Variants in PRKCA observed in about 807,000 individuals in gnomAD.
The protein encoded by PRKCA is protein kinase C alpha.
PRKCA carries 27 observed loss-of-function variants against 87.0 expected under a neutral mutation model. The ratio of observed to expected loss-of-function variants is 0.31; its 90% CI spans 0.23 to 0.43. PRKCA has a LOEUF of 0.43. PRKCA is among the 20% of genes least tolerant of loss of function. PRKCA has a pLI of 1.00. For synonymous variants in PRKCA, 329 were observed against 311.1 expected (o/e 1.06, Z -0.61); for missense variants, 518 against 852.3 (o/e 0.61, Z 4.88).
At chr17:66,586,578 A>G (rs765318449) in intron 3 of PRKCA, among the ~76,000 whole-genome samples, 2 of 152,200 alleles carry the variant, frequency 1.3e-5, no homozygotes, top group Admixed American at 1.3e-4. Flanking sequence ...AAGAAAAGCT[A>G]TGCATGCCTT....
chr17:66,346,219 C>G (rs772553317), intron 2 of PRKCA, among the ~76,000 whole-genome samples: 8 of 151,612 alleles, frequency 5.3e-5, no homozygotes, highest in Non-Finnish European at 1.2e-4. Flanking sequence ...GCCTCAACCT[C>G]TCGAGTAGCT....
intron 2 of PRKCA, among the ~76,000 whole-genome samples, chr17:66,453,677 G>T (rs1914442177): frequency 6.6e-6 from 1 of 152,096 alleles, no homozygotes; most frequent in Non-Finnish European, 1.5e-5. Flanking sequence ...TCTGCTGTAG[G>T]TCGAATTGGT....
intron 2 of PRKCA, among the ~76,000 whole-genome samples, chr17:66,452,850 C>T (rs565231060): frequency 6.6e-6 from 1 of 152,130 alleles, no homozygotes; most frequent in African/African-American, 2.4e-5. Context: ...GATGACAGAG[C>T]GAGACTCCGT....
At chr17:66,718,916 C>T (rs1973543578) in intron 8 of PRKCA, among the ~76,000 whole-genome samples, 1 of 152,128 alleles carries the variant, frequency 6.6e-6, no homozygotes, top group Non-Finnish European at 1.5e-5. Flanking sequence ...GACACACAAC[C>T]CAAAAGAAAC....
At chr17:66,317,536 G>C (rs1170114100) in intron 2 of PRKCA, among the ~76,000 whole-genome samples, 1 of 152,204 alleles carries the variant, frequency 6.6e-6, no homozygotes, top group African/African-American at 2.4e-5. Context: ...GAGATTTAGT[G>C]AATGTCTTAT....
chr17:66,306,150 A>G (rs1351639954), intron 2 of PRKCA, 23 bp downstream of exon 2: 2 of 1,605,758 alleles, frequency 1.2e-6, no homozygotes, highest in Non-Finnish European at 1.7e-6. Context: ...TTTTGGTTTT[A>G]TTTTCAAGCA....
intron 2 of PRKCA, among the ~76,000 whole-genome samples, chr17:66,473,192 C>T (rs1385268864): frequency 6.6e-6 from 1 of 152,190 alleles, no homozygotes; most frequent in Non-Finnish European, 1.5e-5. Flanking sequence ...CTCCTTTGAC[C>T]TAGACTTTGG....
chr17:66,474,728 A>G (rs1915468162), intron 2 of PRKCA, among the ~76,000 whole-genome samples: 1 of 152,354 alleles, frequency 6.6e-6, no homozygotes, highest in African/African-American at 2.4e-5. Flanking sequence ...AATTATTAAC[A>G]ACAACTAAAG....
Position 66,345,339 on chromosome 17 carries a change from A to G in PRKCA, c.205+39212A>G, listed in dbSNP as rs144666900. Among the ~76,000 whole-genome samples the G allele has an allele frequency of 5.4e-4, 82 of 152,274 alleles. No individual in the cohort carries two copies. In the East Asian group the frequency reaches 0.013, roughly 25 times the overall value. On this transcript the variant is annotated intron_variant, in intron 2 of 16. Transcript: ENST00000413366. ...GTTAGGAAGTTGAATTTCTGAAGCAATCATTTATGTTCAGCCTGTGTAACT... is the reference window on the plus strand; with the variant it reads ...GTTAGGAAGTTGAATTTCTGAAGCAGTCATTTATGTTCAGCCTGTGTAACT...
At chr17:66,709,795 TTA>T (rs1470359518) in intron 8 of PRKCA, among the ~76,000 whole-genome samples, 2 of 152,140 alleles carry the variant, frequency 1.3e-5, no homozygotes, top group Non-Finnish European at 2.9e-5. Flanking sequence ...GCCCACCAGC[TTA>T]TGTTTCGTCA....
At chr17:66,688,833 CT>C (rs1972700658) in intron 7 of PRKCA, 117 bp from the exon 8 acceptor site, 1 of 681,206 alleles carries the variant, frequency 1.5e-6, no homozygotes, top group Admixed American at 3.0e-5. Flanking sequence ...AGTCAAATGT[CT>C]ACTGATCTGG....
intron 2 of PRKCA, among the ~76,000 whole-genome samples, chr17:66,404,726 G>A (rs1001670813): frequency 7.2e-6 from 1 of 139,044 alleles, no homozygotes; most frequent in African/African-American, 2.6e-5. Flanking sequence ...GCTGGCTGCT[G>A]GAAAGGATGG....
intron 2 of PRKCA, among the ~76,000 whole-genome samples, chr17:66,344,655 A>G (rs1019096315): frequency 5.9e-5 from 9 of 152,258 alleles, no homozygotes; most frequent in African/African-American, 2.2e-4. Flanking sequence ...AGTAAATGGT[A>G]GCTAGTAAGT....
intron 2 of PRKCA, among the ~76,000 whole-genome samples, chr17:66,392,659 A>G (rs1393934574): frequency 6.6e-6 from 1 of 152,200 alleles, no homozygotes; most frequent in Non-Finnish European, 1.5e-5. Flanking sequence ...AGTCAGCTGC[A>G]TCCGCCTTGC....
chr17:66,726,663 A>G lies in PRKCA; in HGVS notation c.919-6025A>G, dbSNP rs77148109. Among the ~76,000 whole-genome samples the G allele has an allele frequency of 1.0e-2, 1,514 of 151,460 alleles. 26 individuals carry two copies. The highest frequency in any genetic ancestry group is 0.035 in the African/African-American group (1,430 of 41,304). ...AGCAGAGCGAGTGTCCTCCTCAGCC[A>G]TCAAAGCACTCAGCCTTCTCTCTGT... On this transcript the variant is annotated intron_variant, in intron 8 of 16. Coordinates refer to ENST00000413366, the MANE Select transcript of PRKCA (RefSeq NM_002737.3).
chr17:66,634,352 A>G (rs888869781), intron 3 of PRKCA, among the ~76,000 whole-genome samples: 1 of 152,216 alleles, frequency 6.6e-6, no homozygotes, highest in Non-Finnish European at 1.5e-5. Context: ...CTCTTTCGTT[A>G]TAATATAATG....
chr17:66,799,679 GTAA>G (rs1975852896), intron 16 of PRKCA, among the ~76,000 whole-genome samples: 1 of 143,964 alleles, frequency 6.9e-6, no homozygotes, highest in Non-Finnish European at 1.5e-5. Flanking sequence ...GGTGGTGGTG[GTAA>G]TGGTGGTGGT....
chr17:66,369,484 A>T (rs987207152), intron 2 of PRKCA, among the ~76,000 whole-genome samples: 2 of 152,152 alleles, frequency 1.3e-5, no homozygotes, highest in Non-Finnish European at 2.9e-5. Context: ...CCTGAGGCTG[A>T]CTTCAGCTAG....
At chr17:66,527,238 A>G (rs6504440) in intron 3 of PRKCA, among the ~76,000 whole-genome samples, 98,477 of 150,754 alleles carry the variant, frequency 0.65, 32,977 homozygotes, top group African/African-American at 0.82. Context: ...TCCTTTTAGG[A>G]TTTTCCTACT....
Sources: allele counts gnomAD v4.1 joint callset (sites outside exome capture counted in the v4.1 genomes callset), GRCh38; gene constraint gnomAD v4.1.1; transcripts MANE v1.5; gene names NCBI Gene and HGNC (gene_info 2026-07-23, HGNC 2026-07-21).